RALGAPA2: variants seen among roughly 807,000 people sequenced by gnomAD.
RALGAPA2 encodes ral GTPase-activating protein subunit alpha-2.
Under a neutral mutation model 230.4 loss-of-function variants are expected in RALGAPA2, and 139 were observed. The observed-to-expected ratio is 0.60, with a 90% CI of 0.53 to 0.69. RALGAPA2 has a LOEUF of 0.69. Among genes scored for constraint, RALGAPA2 ranks in the 30% least tolerant of loss-of-function variants. The probability of loss-of-function intolerance (pLI) is 0.00; values close to 1 mark genes in which losing one functional copy is unlikely to be tolerated. For synonymous variants in RALGAPA2, 847 were observed against 837.8 expected (o/e 1.01, Z -0.19); for missense variants, 2,163 against 2,276.0 (o/e 0.95, Z 1.01).
chr20:20,412,706 A>G (rs894647358), intron 37 of RALGAPA2, among the ~76,000 whole-genome samples: 90 of 152,316 alleles, frequency 5.9e-4, no homozygotes, highest in African/African-American at 2.0e-3. Context: ...AAGAACTACT[A>G]TGTGAGAGAA....
At chr20:20,501,588 A>G (rs991718082) in intron 35 of RALGAPA2, among the ~76,000 whole-genome samples, 1 of 152,362 alleles carries the variant, frequency 6.6e-6, no homozygotes, top group South Asian at 2.1e-4. Flanking sequence ...AACTTTCTCC[A>G]TATCAGCAAT....
At position 20,396,731 on chromosome 20, in the gene RALGAPA2, T is replaced by A; in HGVS notation, c.5621A>T (p.Ter1874LeuextTer3). The stretch of plus-strand genomic sequence containing the variant: ...ATTGAAATGAGACCTTTACGTGTTT[T>A]AATCTGAAGGGAAAGAACACAAAAT... ...SPSYSLSGTD[*>L] The change falls in exon 39 of 40, where the codon TAA becomes TTA. Residue 1874 changes from the stop codon to leucine, a stop_lost. Coordinates refer to ENST00000202677, the MANE Select transcript of RALGAPA2 (RefSeq NM_020343.4). The A allele has an allele frequency of 6.2e-7, 1 of 1,608,032 alleles. No homozygotes were observed. Among genetic ancestry groups the A allele is most frequent in the Non-Finnish European group, 8.5e-7 (1 of 1,174,978 alleles).
chr20:20,607,814 T>C (rs1432425064), intron 14 of RALGAPA2, among the ~76,000 whole-genome samples: 1 of 152,228 alleles, frequency 6.6e-6, no homozygotes, highest in Non-Finnish European at 1.5e-5. Context: ...TTGCAGCTTA[T>C]AAAATCAACT....
chr20:20,637,761 G>A (rs975208797), intron 7 of RALGAPA2, among the ~76,000 whole-genome samples: 1 of 152,088 alleles, frequency 6.6e-6, no homozygotes, highest in Non-Finnish European at 1.5e-5. Context: ...CTTTTATAAC[G>A]TGCTGTAATG....
chr20:20,712,493 A>G lies in RALGAPA2; in HGVS notation c.-13T>C. 6.5e-7 allele frequency: 1 copy of G among 1,542,504 alleles called. No homozygotes were observed. The highest frequency in any genetic ancestry group is 2.0e-5 in the Admixed American group (1 of 50,030). On this transcript the variant is annotated 5_prime_UTR_variant, in exon 1 of 40. Transcript: ENST00000202677. This position sits in a 1 kb window ranked among gnomAD's most constrained non-coding sequence, Gnocchi z 5.5. ...TTCGGGAGAACATCCCGCGGCAGGA[A>G]GCCCGGGCCCCGCCGGCGGGGCAGT...
chr20:20,394,621 ACC>A (rs2059668477), intron 39 of RALGAPA2, among the ~76,000 whole-genome samples: 2 of 47,086 alleles, frequency 4.2e-5, no homozygotes, highest in Non-Finnish European at 1.0e-4. Context: ...ACAAAGTGAG[ACC>A]CAGTCTCAAA....
At chr20:20,476,225 T>C (rs1251581937) in intron 36 of RALGAPA2, among the ~76,000 whole-genome samples, 1 of 152,096 alleles carries the variant, frequency 6.6e-6, no homozygotes, top group Non-Finnish European at 1.5e-5. Flanking sequence ...ATGTACCGAA[T>C]ACTTCTAAGT....
chr20:20,590,915 TC>T (rs1189665891), intron 17 of RALGAPA2, among the ~76,000 whole-genome samples: 1 of 152,134 alleles, frequency 6.6e-6, no homozygotes, highest in African/African-American at 2.4e-5. Context: ...CCACTTGGAC[TC>T]CTGTCTCGTC....
In RALGAPA2 at chr20:20,526,242, A is replaced by G. The variant is rs764394997; in HGVS notation, c.3693+10T>C. On this transcript the variant is annotated intron_variant, in intron 28 of 39. Transcript: ENST00000202677. Reference sequence around the variant, plus strand: ...GCTTATGTTTTAGTATTACAGAAAAAAAGACTTACTTCTGCCATTTTCCGA... The same window carrying G: ...GCTTATGTTTTAGTATTACAGAAAAGAAGACTTACTTCTGCCATTTTCCGA... 1 of 1,536,958 alleles carries G rather than the reference A, an allele frequency of 6.5e-7. No homozygotes were observed.
intron 1 of RALGAPA2, among the ~76,000 whole-genome samples, chr20:20,710,107 C>T (rs908572489): frequency 1.3e-5 from 2 of 152,080 alleles, no homozygotes; most frequent in African/African-American, 4.8e-5. Flanking sequence ...AAGCTGCAGG[C>T]GGCAGGGACA....
chr20:20,476,511 A>C (rs2061651866), intron 36 of RALGAPA2, among the ~76,000 whole-genome samples: 1 of 151,928 alleles, frequency 6.6e-6, no homozygotes, highest in South Asian at 2.1e-4. Context: ...CATATGGAAA[A>C]GTGAACCTTG....
chr20:20,479,542 A>G (rs147128649), intron 36 of RALGAPA2, among the ~76,000 whole-genome samples: 140 of 152,382 alleles, frequency 9.2e-4, no homozygotes, highest in Middle Eastern at 3.4e-3. Context: ...TAATCACCTC[A>G]AAAGACATTT....
intron 1 of RALGAPA2, among the ~76,000 whole-genome samples, chr20:20,696,382 G>C (rs2069112662): frequency 6.6e-6 from 1 of 152,096 alleles, no homozygotes; most frequent in African/African-American, 2.4e-5. Context: ...TTGTTACAAA[G>C]CTTGTGGTCA....
At chr20:20,595,676 G>A (rs565566082) in intron 16 of RALGAPA2, among the ~76,000 whole-genome samples, 9 of 152,280 alleles carry the variant, frequency 5.9e-5, no homozygotes, top group South Asian at 2.1e-4. Flanking sequence ...AGAACAGACC[G>A]GACGTGGTGG....
At chr20:20,402,915 C>T (rs58921845) in intron 38 of RALGAPA2, among the ~76,000 whole-genome samples, 3,620 of 152,298 alleles carry the variant, frequency 0.024, 131 homozygotes, top group African/African-American at 0.083. Flanking sequence ...TCTTCCTGCC[C>T]ACCCTGGCTC....
chr20:20,605,424 C>G lies in RALGAPA2; in HGVS notation c.1801-12G>C, dbSNP rs374942417. The G allele has an allele frequency of 2.5e-6, 4 of 1,572,232 alleles. No homozygotes were observed. Among genetic ancestry groups the G allele is most frequent in the Non-Finnish European group, 3.5e-6 (4 of 1,143,450 alleles). On this transcript the variant is annotated splice_polypyrimidine_tract_variant and intron_variant, in intron 14 of 39. Coordinates refer to ENST00000202677, the MANE Select transcript of RALGAPA2 (RefSeq NM_020343.4). ...GCTACCATGAGCGTCTAAAACCAAC[C>G]AACCAACAAGAGAATTCACACATCT...
chr20:20,581,793 A>C lies in RALGAPA2; in HGVS notation c.2707+1257T>G, dbSNP rs190140929. Among the ~76,000 whole-genome samples the C allele has an allele frequency of 4.6e-5, 7 of 152,318 alleles. No homozygotes were observed. The East Asian group carries it at 1.3e-3, about 29-fold the overall frequency. On this transcript the variant is annotated intron_variant, in intron 20 of 39. Coordinates refer to ENST00000202677, the MANE Select transcript of RALGAPA2 (RefSeq NM_020343.4). ...TCCCAAATATCAGAGACGTTAGTTA[A>C]ATTTTAAATCACAGTGAAAACCAGT...
intron 3 of RALGAPA2, among the ~76,000 whole-genome samples, chr20:20,656,586 A>G (rs1281513854): frequency 6.6e-6 from 1 of 152,224 alleles, no homozygotes; most frequent in African/African-American, 2.4e-5. Context: ...TTTTAGATGG[A>G]TAACACAAAA....
At chr20:20,471,039 A>G (rs1309504574) in intron 37 of RALGAPA2, 1 of 152,218 alleles carries the variant, frequency 6.6e-6, no homozygotes, top group Non-Finnish European at 1.5e-5. Flanking sequence ...ATAGTTTTTA[A>G]AATATTTTTC....
Sources: gnomAD v4.1 joint callset for allele counts (sites outside exome capture counted in the v4.1 genomes callset) on GRCh38, gnomAD v4.1.1 for gene constraint, Gnocchi (gnomAD v3.1) non-coding constraint, MANE v1.5 for transcripts, NCBI Gene and HGNC (gene_info 2026-07-23, HGNC 2026-07-21) for gene names.